The following SNAP91 variants were observed in gnomAD, a reference collection of about 807,000 sequenced individuals.
SNAP91 encodes synaptosome associated protein 91.
Under a neutral mutation model 100.3 loss-of-function variants are expected in SNAP91, and 27 were observed. The observed-to-expected ratio is 0.27, with a 90% confidence interval of 0.20 to 0.37. The LOEUF (loss-of-function observed/expected upper bound fraction) is 0.37. SNAP91 is among the 10% of genes least tolerant of loss of function. SNAP91 has a pLI of 1.00. For synonymous variants in SNAP91, 404 were observed against 398.6 expected, an observed-to-expected ratio of 1.01 and a Z score of -0.16; for missense variants, 986 against 1,123.7, an observed-to-expected ratio of 0.88 and a Z score of 1.75.
At chr6:83,708,530 C>A (rs1469681602) in intron 1 of SNAP91, 2 of 152,486 alleles carry the variant, frequency 1.3e-5, no homozygotes, top group Non-Finnish European at 2.9e-5. Flanking sequence ...CCCTCGCCTC[C>A]CCTTCCTTCC....
At chr6:83,614,822 C>CTA in intron 11 of SNAP91, 35 bp downstream of exon 11, 1 of 1,529,668 alleles carries the variant, frequency 6.5e-7, no homozygotes, top group Non-Finnish European at 8.8e-7. Flanking sequence ...TTAGTAATTA[C>CTA]CAAATGCAAA....
At chr6:83,580,422 GAAA>G in intron 24 of SNAP91, 25 bp downstream of exon 24, 1 of 368,324 alleles carries the variant, frequency 2.7e-6, no homozygotes, top group Non-Finnish European at 3.1e-6. Context: ...TTCAGTTAAA[GAAA>G]AAAAAAAAAA....
At chr6:83,591,821 T>C (rs1200854178) in intron 21 of SNAP91, among the ~76,000 whole-genome samples, 1 of 152,234 alleles carries the variant, frequency 6.6e-6, no homozygotes, top group Non-Finnish European at 1.5e-5. Flanking sequence ...TGCTTCAATG[T>C]ACAGGAGGTA....
intron 7 of SNAP91, among the ~76,000 whole-genome samples, chr6:83,652,504 C>A (rs2098250064): frequency 6.6e-6 from 1 of 151,996 alleles, no homozygotes; most frequent in African/African-American, 2.4e-5. Context: ...GAATTCCTCC[C>A]TACTATCCCT....
At chr6:83,596,501 T>C (rs2094485881) in intron 16 of SNAP91, among the ~76,000 whole-genome samples, 1 of 152,150 alleles carries the variant, frequency 6.6e-6, no homozygotes, top group Non-Finnish European at 1.5e-5. Flanking sequence ...GCCAATAATA[T>C]TGCAAAGAGT....
chr6:83,583,132 T>G (rs758317338), intron 22 of SNAP91, among the ~76,000 whole-genome samples: 2 of 152,148 alleles, frequency 1.3e-5, no homozygotes, highest in Non-Finnish European at 2.9e-5. Flanking sequence ...ACTCGCAGTG[T>G]CAGATGCCTG....
chr6:83,562,971 G>A (rs2127889675), intron 26 of SNAP91, among the ~76,000 whole-genome samples: 1 of 152,210 alleles, frequency 6.6e-6, no homozygotes, highest in South Asian at 2.1e-4. Context: ...GTGTTTTATT[G>A]TATGCCTCCT....
At chr6:83,682,330 G>A (rs2099001481) in intron 2 of SNAP91, among the ~76,000 whole-genome samples, 1 of 151,638 alleles carries the variant, frequency 6.6e-6, no homozygotes, top group Non-Finnish European at 1.5e-5. Context: ...ACAGACACAT[G>A]CCACCACACC....
chr6:83,566,185 G>A (rs974086581), intron 26 of SNAP91, among the ~76,000 whole-genome samples: 2 of 152,080 alleles, frequency 1.3e-5, no homozygotes, highest in Admixed American at 6.6e-5. Flanking sequence ...AAGAAGCCAG[G>A]CATAAAAGGC....
chr6:83,556,268 A>G (rs753534312), intron 28 of SNAP91, 23 bp from the exon 29 acceptor site: 3 of 1,254,622 alleles, frequency 2.4e-6, no homozygotes, highest in Non-Finnish European at 1.1e-6. Context: ...AGCCAGCCCC[A>G]AAGAGCAGGA....
intron 2 of SNAP91, among the ~76,000 whole-genome samples, chr6:83,668,005 C>G (rs1359724121): frequency 1.3e-5 from 2 of 152,126 alleles, no homozygotes; most frequent in African/African-American, 2.4e-5. Context: ...ACAACCCCAT[C>G]AACAAGTGGG....
At chr6:83,694,422 G>A (rs549330279) in intron 2 of SNAP91, among the ~76,000 whole-genome samples, 21 of 152,262 alleles carry the variant, frequency 1.4e-4, no homozygotes, top group South Asian at 1.2e-3. Flanking sequence ...ACCATGATAC[G>A]AGCAAAAAAT....
intron 27 of SNAP91, 64 bp from the exon 28 acceptor site, chr6:83,560,272 C>G: frequency 8.9e-7 from 1 of 1,121,964 alleles, no homozygotes; most frequent in Non-Finnish European, 1.3e-6. Flanking sequence ...ACTATCCTGA[C>G]ATTTATTGCT....
chr6:83,574,674 T>A (rs1232923069), intron 26 of SNAP91, among the ~76,000 whole-genome samples: 1 of 152,110 alleles, frequency 6.6e-6, no homozygotes, highest in Non-Finnish European at 1.5e-5. Context: ...GTATAAATAT[T>A]AATTAAAATA....
chr6:83,646,774 TTG>T (rs1562492360), intron 7 of SNAP91, among the ~76,000 whole-genome samples: 1 of 152,182 alleles, frequency 6.6e-6, no homozygotes, highest in South Asian at 2.1e-4. Context: ...ATAGATCATG[TTG>T]GAAAGAACTG....
intron 2 of SNAP91, among the ~76,000 whole-genome samples, chr6:83,700,341 G>T (rs1056342151): frequency 1.1e-4 from 16 of 151,884 alleles, no homozygotes; most frequent in African/African-American, 3.9e-4. Context: ...TGGAGAAGAA[G>T]GGCCAAATCA....
In SNAP91 at chr6:83,575,064, C is replaced by T. The variant is rs1311283501; in HGVS notation, c.2388G>A (p.Gln796=). 9.3e-6 allele frequency: 15 copies of T among 1,606,300 alleles called. No individual in the cohort carries two copies. The highest frequency in any genetic ancestry group is 1.2e-5 in the Non-Finnish European group (14 of 1,176,224). Residue 796 remains glutamine, a synonymous_variant, in exon 26 of 30, where the codon CAG becomes CAA. Coordinates refer to ENST00000369694, the MANE Select transcript of SNAP91 (RefSeq NM_001242792.2). ...ACCAGGTTGCTGGAGCTACTTTAGGCTGCCAGTTGGCTCCACCAGTCAACT... is the reference window on the plus strand; with the variant it reads ...ACCAGGTTGCTGGAGCTACTTTAGGTTGCCAGTTGGCTCCACCAGTCAACT... ...EKKLTGGANW[Q]PKVAPATWSA... is the part of the protein sequence containing the mutation.
At chr6:83,694,773 C>A (rs1280191983) in intron 2 of SNAP91, among the ~76,000 whole-genome samples, 2 of 152,108 alleles carry the variant, frequency 1.3e-5, no homozygotes, top group Admixed American at 6.5e-5. Context: ...CAAGCTTCAC[C>A]CCTGCCTTTT....
chr6:83,566,850 C>G (rs971408537), intron 26 of SNAP91, among the ~76,000 whole-genome samples: 7 of 152,118 alleles, frequency 4.6e-5, no homozygotes, highest in African/African-American at 1.7e-4. Flanking sequence ...CTATTCTGAT[C>G]AACAAAATAT....
Sources: gnomAD v4.1 joint callset for allele counts (sites outside exome capture counted in the v4.1 genomes callset) on GRCh38, gnomAD v4.1.1 for gene constraint, MANE v1.5 for transcripts, NCBI Gene and HGNC (gene_info 2026-07-23, HGNC 2026-07-21) for gene names.